Variants in SYNGR1 observed in about 807,000 individuals in gnomAD.
SYNGR1 encodes the protein synaptogyrin-1.
In SYNGR1, 14 loss-of-function variants were observed where a neutral mutation model predicts 26.1. That is an observed-to-expected ratio of 0.54 (90% confidence interval 0.35 to 0.84). SYNGR1 has a LOEUF of 0.84. Ranked by LOEUF, SYNGR1 falls within the 40% of genes least tolerant of loss-of-function variation. The probability of loss-of-function intolerance (pLI) is 0.01; values close to 1 mark genes in which losing one functional copy is unlikely to be tolerated. For missense variants in SYNGR1, 319 were observed against 332.9 expected, an observed-to-expected ratio of 0.96 and a Z score of 0.33; for synonymous variants, 141 against 150.1, an observed-to-expected ratio of 0.94 and a Z score of 0.44.
In SYNGR1 at chr22:39,383,581, G is replaced by A. The variant is rs74592045; in HGVS notation, c.*1667G>A. On this transcript the variant is annotated 3_prime_UTR_variant, in exon 4 of 4. Transcript: ENST00000328933. Reference sequence around the variant, plus strand: ...TCCTTCAGGGAGCAGAGCAGAGCAGGTGGTGGACGGGCCCAGTGCTGGGTG... The same window carrying A: ...TCCTTCAGGGAGCAGAGCAGAGCAGATGGTGGACGGGCCCAGTGCTGGGTG... 0.042 allele frequency: 6,440 copies of A among 152,546 alleles called. 476 individuals are homozygous for A. The highest frequency in any genetic ancestry group is 0.15 in the African/African-American group (6,131 of 41,510). The allele number at this position is 152,546 out of a possible 1,614,324, so 9.4% of individuals were successfully genotyped here. A position where few individuals can be genotyped will look rare whatever the true frequency, so the allele number is the denominator to read the frequency against.
At chr22:39,378,761 C>G (rs1428363683) in intron 3 of SYNGR1, among the ~76,000 whole-genome samples, 1 of 152,212 alleles carries the variant, frequency 6.6e-6, no homozygotes, top group Non-Finnish European at 1.5e-5. Context: ...AGGGGACCAC[C>G]AGGTCCCTGG....
chr22:39,372,117 T>G (rs1925048784), intron 1 of SYNGR1, among the ~76,000 whole-genome samples: 2 of 144,868 alleles, frequency 1.4e-5, no homozygotes, highest in Admixed American at 7.3e-5. Flanking sequence ...TGAGGGTAGA[T>G]CCATTCTTTT....
intron 2 of SYNGR1, chr22:39,375,084 G>A (rs147385191): frequency 6.5e-4 from 110 of 169,460 alleles, no homozygotes; most frequent in Non-Finnish European, 1.0e-3. Context: ...CCTCTGCTCC[G>A]TGACTTCCAG....
intron 1 of SYNGR1, among the ~76,000 whole-genome samples, chr22:39,372,145 T>TG (rs1925052606): frequency 7.0e-6 from 1 of 143,592 alleles, no homozygotes; most frequent in East Asian, 2.1e-4. Flanking sequence ...TTTTTTTTTT[T>TG]TTTGAGACGG....
intron 1 of SYNGR1, among the ~76,000 whole-genome samples, chr22:39,361,230 C>G (rs550931816): frequency 5.8e-4 from 88 of 152,282 alleles, no homozygotes; most frequent in African/African-American, 1.9e-3. Flanking sequence ...CAGATTATTT[C>G]CCTGATGACC....
intron 2 of SYNGR1, 178 bp from the exon 3 acceptor site, chr22:39,375,874 T>C: frequency 1.2e-6 from 1 of 834,332 alleles, no homozygotes; most frequent in Non-Finnish European, 2.0e-6. Flanking sequence ...CGCCTGCATC[T>C]TCTCTTGGCT....
chr22:39,357,478 C>T (rs1478446450), intron 1 of SYNGR1, among the ~76,000 whole-genome samples: 1 of 152,170 alleles, frequency 6.6e-6, no homozygotes, highest in African/African-American at 2.4e-5. Flanking sequence ...CTGTGGGAGC[C>T]CCTTTCTGGG....
chr22:39,368,537 T>A (rs1022719947), intron 1 of SYNGR1, among the ~76,000 whole-genome samples: 1 of 152,218 alleles, frequency 6.6e-6, no homozygotes, highest in Non-Finnish European at 1.5e-5. Flanking sequence ...GCCCAGTCCC[T>A]CCGAAGCTAT....
chr22:39,377,357 T>A (rs1925329203), intron 3 of SYNGR1: 8 of 985,102 alleles, frequency 8.1e-6, no homozygotes, highest in Non-Finnish European at 9.6e-6. Context: ...CAAGACTGGG[T>A]AGGAAGAACC....
intron 1 of SYNGR1, among the ~76,000 whole-genome samples, chr22:39,361,651 C>T (rs9607639): frequency 0.15 from 22,613 of 151,838 alleles, 3,189 homozygotes; most frequent in African/African-American, 0.37. Flanking sequence ...TGAGCCATCA[C>T]GCCCGGCCAA....
chr22:39,384,300 G>A lies in SYNGR1; in HGVS notation c.*2386G>A, dbSNP rs1360031382. Reference sequence around the variant, plus strand: ...AGCCGGAGGGCAGGGTACCAGGTAAGCTTAACTCCATCTTGGGTGTTTGTG... The same window carrying A: ...AGCCGGAGGGCAGGGTACCAGGTAAACTTAACTCCATCTTGGGTGTTTGTG... On this transcript the variant is annotated 3_prime_UTR_variant, in exon 4 of 4. Coordinates refer to ENST00000328933, the MANE Select transcript of SYNGR1 (RefSeq NM_004711.5). The A allele has an allele frequency of 1.0e-5, 4 of 387,210 alleles. No individual in the cohort carries two copies. Among genetic ancestry groups the A allele is most frequent in the Admixed American group, 4.5e-5 (1 of 22,326 alleles). The allele number at this position is 387,210 out of a possible 1,614,324, so 24.0% of individuals were successfully genotyped here.
rs1314984046 is a variant in SYNGR1 at position 39,371,441 on chromosome 22, A to G, written c.100-2875A>G. On this transcript the variant is annotated intron_variant, in intron 1 of 3. Coordinates refer to ENST00000328933, the MANE Select transcript of SYNGR1 (RefSeq NM_004711.5). ...TGGTGGACTGAGATTGCACCATTGC[A>G]CTCCAGCCTGGGCAACAAGAGCGAA... Among the ~76,000 whole-genome samples the G allele has an allele frequency of 2.1e-5, 3 of 145,988 alleles. No individual in the cohort carries two copies. In the East Asian group the frequency reaches 6.1e-4, roughly 30 times the overall value.
intron 3 of SYNGR1, among the ~76,000 whole-genome samples, chr22:39,381,151 G>T (rs576934184): frequency 5.3e-5 from 8 of 152,240 alleles, no homozygotes; most frequent in Non-Finnish European, 1.2e-4. Context: ...TTGGCTCATG[G>T]TCTTTGTGGT....
chr22:39,354,420 C>G (rs1490396298), intron 1 of SYNGR1, among the ~76,000 whole-genome samples: 1 of 152,174 alleles, frequency 6.6e-6, no homozygotes, highest in East Asian at 1.9e-4. Context: ...CTGTGTACTC[C>G]CTGTGGGTTC....
chr22:39,376,391 G>T (rs1247890918), intron 3 of SYNGR1, among the ~76,000 whole-genome samples, 194 bp downstream of exon 3: 1 of 152,182 alleles, frequency 6.6e-6, no homozygotes, highest in African/African-American at 2.4e-5. Flanking sequence ...ACAGCCCTCG[G>T]GGGTAGCATG....
intron 3 of SYNGR1, among the ~76,000 whole-genome samples, 185 bp downstream of exon 3, chr22:39,376,382 C>T (rs2145631440): frequency 6.6e-6 from 1 of 152,278 alleles, no homozygotes; most frequent in East Asian, 1.9e-4. Flanking sequence ...AAGGAGGCTA[C>T]AGCCCTCGGG....
chr22:39,355,046 CTGCTCAGTGCCAGCTGAG>C (rs1220766827), intron 1 of SYNGR1, among the ~76,000 whole-genome samples: 1 of 152,150 alleles, frequency 6.6e-6, no homozygotes, highest in Admixed American at 6.5e-5. Flanking sequence ...CACAAGTCCC[CTGCTCAGTGCCAGCTGAG>C]TGCTCAGTGC....
At chr22:39,380,504 C>A (rs1387460725) in intron 3 of SYNGR1, among the ~76,000 whole-genome samples, 1 of 152,040 alleles carries the variant, frequency 6.6e-6, no homozygotes, top group Non-Finnish European at 1.5e-5. Flanking sequence ...ATCCTCCCAC[C>A]TCAGCCTCCT....
chr22:39,353,620 G>C (rs1924013862), intron 1 of SYNGR1, among the ~76,000 whole-genome samples: 1 of 152,230 alleles, frequency 6.6e-6, no homozygotes, highest in African/African-American at 2.4e-5. Context: ...CTGTGCCTCA[G>C]TCTTCCCACC....
Sources: gnomAD v4.1 joint callset for allele counts (sites outside exome capture counted in the v4.1 genomes callset) on GRCh38, gnomAD v4.1.1 for gene constraint, MANE v1.5 for transcripts, NCBI Gene and HGNC (gene_info 2026-07-23, HGNC 2026-07-21) for gene names.